GSE1: variants seen among roughly 807,000 people sequenced by gnomAD.
GSE1 encodes the protein Gse1 coiled-coil protein.
In GSE1, 32 loss-of-function variants were observed where a neutral mutation model predicts 112.6. That is an observed-to-expected ratio of 0.28 (90% CI 0.21 to 0.38). The LOEUF (loss-of-function observed/expected upper bound fraction) is 0.38. Ranked by LOEUF, GSE1 falls within the 10% of genes least tolerant of loss-of-function variation. The probability of loss-of-function intolerance (pLI) is 1.00; values close to 1 mark genes in which losing one functional copy is unlikely to be tolerated. For synonymous variants in GSE1, 1,115 were observed against 735.6 expected (o/e 1.52, Z -8.35); for missense variants, 2,348 against 1,699.2 (o/e 1.38, Z -6.71).
intron 2 of GSE1, among the ~76,000 whole-genome samples, chr16:85,639,153 C>A (rs1281375158): frequency 8.5e-5 from 13 of 152,208 alleles, no homozygotes; most frequent in Admixed American, 5.9e-4. Context: ...CTATTGGTCT[C>A]TTTGTTCCTC....
chr16:85,620,022 G>A (rs2048630417), intron 1 of GSE1, among the ~76,000 whole-genome samples: 3 of 152,156 alleles, frequency 2.0e-5, no homozygotes. Flanking sequence ...CTTATGGGGT[G>A]CGGTGGCTCA....
chr16:85,268,254 C>T lies in GSE1; in HGVS notation c.2284-89209C>T, dbSNP rs181939009. Among the ~76,000 whole-genome samples, 621 of 132,052 alleles carry T rather than the reference C, an allele frequency of 4.7e-3. 3 individuals are homozygous for T. The highest frequency in any genetic ancestry group is 5.8e-3 in the South Asian group (24 of 4,148). 86.6% of individuals were successfully genotyped at this position (132,052 alleles called of 152,430 possible). On this transcript the variant is annotated intron_variant, in intron 1 of 2. Transcript: ENST00000637419. ...GGTGTGGCACAAGGGTTCTATAGGC[C>T]GCTGGTGCAGAAGCATAATTTCACA...
chr16:85,321,600 C>A (rs983386276), intron 1 of GSE1, among the ~76,000 whole-genome samples: 3 of 151,964 alleles, frequency 2.0e-5, no homozygotes, highest in Admixed American at 1.3e-4. Flanking sequence ...CATGCTGCTA[C>A]ACTCCAGCCT....
At chr16:85,237,717 A>C (rs1264858020) in intron 1 of GSE1, among the ~76,000 whole-genome samples, 1 of 152,054 alleles carries the variant, frequency 6.6e-6, no homozygotes. Context: ...GGGCGCCTGT[A>C]GTCCCAGCTA....
At chr16:85,612,482 C>A (rs1166692895), upstream of GSE1, among the ~76,000 whole-genome samples, 1 of 152,156 alleles carries the variant, frequency 6.6e-6, no homozygotes, top group Non-Finnish European at 1.5e-5. Flanking sequence ...CCTCTGACCG[C>A]AACCCCAGCT....
At chr16:85,614,518 TGGG>T (rs892520339) in intron 1 of GSE1, among the ~76,000 whole-genome samples, 68 of 151,094 alleles carry the variant, frequency 4.5e-4, no homozygotes, top group Non-Finnish European at 6.8e-4. Context: ...GGTTCCCAGA[TGGG>T]GGGAAGGGAC....
intron 1 of GSE1, among the ~76,000 whole-genome samples, chr16:85,240,767 C>T (rs1157384452): frequency 2.0e-5 from 3 of 152,152 alleles, no homozygotes; most frequent in African/African-American, 4.8e-5. Flanking sequence ...AATGGGCGCT[C>T]AGGACTTCGT....
intron 2 of GSE1, among the ~76,000 whole-genome samples, chr16:85,445,419 G>A (rs574838934): frequency 6.6e-6 from 1 of 152,208 alleles, no homozygotes; most frequent in Admixed American, 6.5e-5. Flanking sequence ...CAGAGTGCTC[G>A]CTGGCGGCCA....
At chr16:85,409,328 G>T (rs1432214243) in intron 2 of GSE1, among the ~76,000 whole-genome samples, 2 of 43,386 alleles carry the variant, frequency 4.6e-5, no homozygotes, top group Non-Finnish European at 8.7e-5. Context: ...AATCCTCACT[G>T]TTACACTCAG....
chr16:85,188,331 A>C (rs2074751307), intron 1 of GSE1, among the ~76,000 whole-genome samples: 1 of 152,216 alleles, frequency 6.6e-6, no homozygotes, highest in Non-Finnish European at 1.5e-5. Flanking sequence ...TGTGTGTCAC[A>C]GGCTGTAGTA....
chr16:85,527,254 C>T (rs943716045), intron 2 of GSE1, among the ~76,000 whole-genome samples: 2 of 152,238 alleles, frequency 1.3e-5, no homozygotes, highest in African/African-American at 2.4e-5. Flanking sequence ...GCTCCGGCCT[C>T]GCCCACCTGT....
intron 2 of GSE1, among the ~76,000 whole-genome samples, chr16:85,534,096 T>A (rs1219331378): frequency 1.3e-5 from 2 of 149,508 alleles, no homozygotes; most frequent in African/African-American, 4.9e-5. Flanking sequence ...CTGCTTTACA[T>A]CCCTTTAGGC....
At chr16:85,248,713 A>G (rs887882827) in intron 1 of GSE1, among the ~76,000 whole-genome samples, 5 of 152,206 alleles carry the variant, frequency 3.3e-5, no homozygotes, top group Admixed American at 3.3e-4. Flanking sequence ...CCAAGCAGGG[A>G]GGGGGGTGCT....
At chr16:85,605,007 T>TG (rs1567638551) in intron 1 of GSE1, among the ~76,000 whole-genome samples, 1 of 145,776 alleles carries the variant, frequency 6.9e-6, no homozygotes, top group East Asian at 2.0e-4. Context: ...TTAGTAGAGA[T>TG]GGGGTTTCAC....
At chr16:85,402,991 G>T (rs551104084) in intron 2 of GSE1, among the ~76,000 whole-genome samples, 7 of 152,174 alleles carry the variant, frequency 4.6e-5, no homozygotes, top group African/African-American at 1.4e-4. Flanking sequence ...GCGGGTCAGG[G>T]ATCCGGATCC....
chr16:85,251,754 A>T (rs1450578115), intron 1 of GSE1, among the ~76,000 whole-genome samples: 1 of 152,166 alleles, frequency 6.6e-6, no homozygotes, highest in Non-Finnish European at 1.5e-5. Flanking sequence ...TTCCCAGGTG[A>T]TTCTGCATCA....
chr16:85,597,332 C>T (rs1430234678), intron 1 of GSE1, among the ~76,000 whole-genome samples: 1 of 145,434 alleles, frequency 6.9e-6, no homozygotes, highest in Non-Finnish European at 1.5e-5. Flanking sequence ...TGAGATCGTC[C>T]CACTGCACTC....
At chr16:85,556,235 G>A (rs2045204656) in exon 1 of GSE1, 2 of 984,606 alleles carry the variant, frequency 2.0e-6, no homozygotes, top group African/African-American at 3.5e-5. Flanking sequence ...TGAGCGCCGT[G>A]GCTTGAACGG....
intron 1 of GSE1, among the ~76,000 whole-genome samples, chr16:85,616,501 A>T (rs916615874): frequency 1.3e-5 from 2 of 152,144 alleles, no homozygotes; most frequent in Non-Finnish European, 2.9e-5. Context: ...CCAGGGTTGG[A>T]TGGGGACCCT....
Sources: allele counts gnomAD v4.1 joint callset (sites outside exome capture counted in the v4.1 genomes callset), GRCh38; gene constraint gnomAD v4.1.1; transcripts MANE v1.5; gene names NCBI Gene and HGNC (gene_info 2026-07-23, HGNC 2026-07-21).